FAM170B: variants seen among roughly 807,000 people sequenced by gnomAD.
FAM170B encodes the protein family with sequence similarity 170 member B.
FAM170B carries 4 observed loss-of-function variants against 3.9 expected under a neutral mutation model. The ratio of observed to expected loss-of-function variants is 1.01; its 90% CI spans 0.50 to 2.32. The LOEUF (loss-of-function observed/expected upper bound fraction) is 2.32, where lower values mean the gene tolerates loss of function less well. Ranked by LOEUF, FAM170B falls within the 30% of genes most tolerant of loss-of-function variation. FAM170B has a pLI of 0.02. For missense variants in FAM170B, 417 were observed against 368.6 expected, an observed-to-expected ratio of 1.13 and a Z score of -1.07; for synonymous variants, 163 against 149.8, an observed-to-expected ratio of 1.09 and a Z score of -0.64.
Position 49,131,427 on chromosome 10 carries a change from C to T in FAM170B, c.*186G>A, listed in dbSNP as rs769250683. Reference sequence around the variant, plus strand: ...TTTGAAATGGACTCTGGTGGAGATGCTGTGCCTAGGGCAGGAAGGGGGTTC... The same window carrying T: ...TTTGAAATGGACTCTGGTGGAGATGTTGTGCCTAGGGCAGGAAGGGGGTTC... On this transcript the variant is annotated 3_prime_UTR_variant, in exon 2 of 2. Coordinates refer to ENST00000311787, the MANE Select transcript of FAM170B (RefSeq NM_001164484.2). 55 of 765,964 alleles carry T rather than the reference C, an allele frequency of 7.2e-5. No homozygotes were observed. The highest frequency in any genetic ancestry group is 1.1e-4 in the Non-Finnish European group (54 of 511,160). 47.4% of individuals were successfully genotyped at this position (765,964 alleles called of 1,614,324 possible).
In FAM170B at chr10:49,131,678, C is replaced by G. The variant is rs1196659592; in HGVS notation, c.787G>C (p.Asp263His). Residue 263 changes from aspartate (D) to histidine (H), a missense_variant, in exon 2 of 2, where the codon GAC (aspartate) becomes CAC (histidine). Physicochemically the swap from Asp to His is moderately conservative, Grantham distance 81. Coordinates refer to ENST00000311787, the MANE Select transcript of FAM170B (RefSeq NM_001164484.2). Reference protein sequence around the residue: ...QQLEEEQSPSDNSECSRPQGE... With the variant: ...QQLEEEQSPSHNSECSRPQGE... ...TGGGGCCGGGAACATTCGCTGTTGT[C>G]TGAAGGACTCTGCTCCTCCTCCAGC... 1 of 1,551,650 alleles carries G rather than the reference C, an allele frequency of 6.4e-7. No homozygotes were observed. The highest frequency in any genetic ancestry group is 8.7e-7 in the Non-Finnish European group (1 of 1,147,026).
chr10:49,131,818 AGGGAG>A lies in FAM170B; in HGVS notation c.642_646del (p.Ser215GlyfsTer22), dbSNP rs1564607633. 6 of 1,548,372 alleles carry A rather than the reference AGGGAG, an allele frequency of 3.9e-6. No individual in the cohort carries two copies. Among genetic ancestry groups the A allele is most frequent in the Non-Finnish European group, 5.2e-6 (6 of 1,146,948 alleles). Reference sequence around the variant, plus strand: ...CTGGGCGTGCTCCAGCAGAGCGTCCAGGGAGGGCAAGACCCTGCAGCAGGCCACGC... The same window carrying A: ...CTGGGCGTGCTCCAGCAGAGCGTCCAGGCAAGACCCTGCAGCAGGCCACGC... On this transcript the variant is annotated frameshift_variant, in exon 2 of 2. Transcript: ENST00000311787. LOFTEE classifies it low-confidence loss of function (END_TRUNC).
chr10:49,131,535 G>A lies in FAM170B; in HGVS notation c.*78C>T. On this transcript the variant is annotated 3_prime_UTR_variant, in exon 2 of 2. Coordinates refer to ENST00000311787, the MANE Select transcript of FAM170B (RefSeq NM_001164484.2). Reference sequence around the variant, plus strand: ...CTGGTCCTCTCTCCCTGCCCTAGTGGCTCTGATACTGCTGGCTGGGGAAGG... The same window carrying A: ...CTGGTCCTCTCTCCCTGCCCTAGTGACTCTGATACTGCTGGCTGGGGAAGG... 6.8e-7 allele frequency: 1 copy of A among 1,467,108 alleles called. No homozygotes were observed. Among genetic ancestry groups the A allele is most frequent in the Non-Finnish European group, 9.0e-7 (1 of 1,106,090 alleles). 90.9% of individuals were successfully genotyped at this position (1,467,108 alleles called of 1,614,324 possible).
At chr10:49,132,555 G>A (rs1392324338) in intron 1 of FAM170B, among the ~76,000 whole-genome samples, 1 of 152,074 alleles carries the variant, frequency 6.6e-6, no homozygotes, top group East Asian at 1.9e-4. Context: ...ATGTATGAAT[G>A]CAATCACCAA....
intron 1 of FAM170B, among the ~76,000 whole-genome samples, chr10:49,132,954 CG>C (rs1845207163): frequency 2.0e-5 from 3 of 151,794 alleles, no homozygotes; most frequent in Non-Finnish European, 4.4e-5. Flanking sequence ...GAGCTGGGGA[CG>C]GGGTGAGAGG....
chr10:49,132,591 A>G (rs1363377513), intron 1 of FAM170B, among the ~76,000 whole-genome samples: 1 of 152,194 alleles, frequency 6.6e-6, no homozygotes, highest in Non-Finnish European at 1.5e-5. Context: ...GAGAAAGACC[A>G]TTAAATGGTG....
Position 49,131,633 on chromosome 10 carries a change from G to A in FAM170B, c.832C>T (p.Gln278Ter), listed in dbSNP as rs200566196. 43 of 1,551,598 alleles carry A rather than the reference G, an allele frequency of 2.8e-5. No homozygotes were observed. Among genetic ancestry groups the A allele is most frequent in the Non-Finnish European group, 3.6e-5 (41 of 1,146,908 alleles). Residue 278 changes from glutamine to a stop codon, truncating the protein, a stop_gained, in exon 2 of 2, where the codon CAG becomes TAG. Transcript: ENST00000311787. LOFTEE classifies it high-confidence loss of function. ...SRPQGEVLSAQQQEKQ is the reference protein window; with the variant it reads ...SRPQGEVLSA ...CTGGCTCACTGCTTCTCCTGCTGCT[G>A]TGCTGAGAGCACCTCACCCTGGGGC...
Position 49,132,372 on chromosome 10 carries a change from T to G in FAM170B, c.113-20A>C. ...TAGTCCCTGAGAAGCAGAAGGACAT[T>G]GTCATCAGTGCCCTTTAAGGGATCA... On this transcript the variant is annotated intron_variant, in intron 1 of 1. Transcript: ENST00000311787. 6.6e-7 allele frequency: 1 copy of G among 1,511,926 alleles called. No homozygotes were observed. The highest frequency in any genetic ancestry group is 2.5e-5 in the East Asian group (1 of 40,554). 93.7% of individuals were successfully genotyped at this position (1,511,926 alleles called of 1,614,324 possible). A position where few individuals can be genotyped will look rare whatever the true frequency, so the allele number is the denominator to read the frequency against.
chr10:49,133,203 C>T (rs1335840695), intron 1 of FAM170B, among the ~76,000 whole-genome samples: 1 of 152,242 alleles, frequency 6.6e-6, no homozygotes, highest in Non-Finnish European at 1.5e-5. Context: ...ACATTTGTGA[C>T]CTGTCTTCAC....
In FAM170B at chr10:49,132,127, A is replaced by T. The variant is rs1291942487; in HGVS notation, c.338T>A (p.Val113Glu). 1.3e-6 allele frequency: 2 copies of T among 1,551,762 alleles called. No individual in the cohort carries two copies. Among genetic ancestry groups the T allele is most frequent in the South Asian group, 1.2e-5 (1 of 84,068 alleles). ...CACAGCCACACCCCGCACAGTCTGC[A>T]CGTGCGTGTAGAAGGCACACACACT... The part of the protein sequence containing the change: ...PQSVCAFYTH[V>E]QTVRGVAVAW... Residue 113 changes from valine (V) to glutamate (E), a missense_variant, in exon 2 of 2, where the codon GTG (valine) becomes GAG (glutamate). Coordinates refer to ENST00000311787, the MANE Select transcript of FAM170B (RefSeq NM_001164484.2).
At chr10:49,133,765 G>A in intron 1 of FAM170B, 42 bp downstream of exon 1, 1 of 1,496,152 alleles carries the variant, frequency 6.7e-7, no homozygotes, top group Non-Finnish European at 9.1e-7. Flanking sequence ...CCTTCCCAGG[G>A]AGCACAGCTG....
chr10:49,131,720 G>T lies in FAM170B; in HGVS notation c.745C>A (p.Gln249Lys). The T allele has an allele frequency of 6.4e-7, 1 of 1,551,730 alleles. No homozygotes were observed. Among genetic ancestry groups the T allele is most frequent in the Non-Finnish European group, 8.7e-7 (1 of 1,147,006 alleles). The change falls in exon 2 of 2, where the codon CAA becomes AAA. Residue 249 changes from glutamine to lysine, a missense_variant. By Grantham distance (53) the Gln-to-Lys change is moderately conservative. Transcript: ENST00000311787. The part of the protein sequence containing the change: ...EMLERRRAQG[Q>K]AHDQQLEEEQ... ...TCCTCCAGCTGTTGGTCATGTGCTT[G>T]GCCCTGAGCCCGCCTTCTCTCCAGC...
chr10:49,132,202 TACTGGGAGTAGG>T lies in FAM170B; in HGVS notation c.251_262del (p.Ser84_Gln87del). On this transcript the variant is annotated inframe_deletion, in exon 2 of 2. Coordinates refer to ENST00000311787, the MANE Select transcript of FAM170B (RefSeq NM_001164484.2). ...GCACATGCAGGAGCAGCACGACTGGTACTGGGAGTAGGACTGGTACTCGGAGGACTCTGAGGA... is the reference window on the plus strand; with the variant it reads ...GCACATGCAGGAGCAGCACGACTGGTACTGGTACTCGGAGGACTCTGAGGA... 6.4e-7 allele frequency: 1 copy of T among 1,551,690 alleles called. No individual in the cohort carries two copies. The highest frequency in any genetic ancestry group is 2.4e-5 in the East Asian group (1 of 40,918).
rs755058569 is a variant in FAM170B, at chr10:49,132,196, G to C, written c.269C>G (p.Ser90Trp). 3.3e-5 allele frequency: 51 copies of C among 1,551,730 alleles called. 1 individual carries two copies. The South Asian group carries it at 5.7e-4, about 17-fold the overall frequency. Reference protein sequence around the residue: ...SEYQSYSQYQSCCSCMCDEDN... With the variant: ...SEYQSYSQYQWCCSCMCDEDN... ...CTCATCGCACATGCAGGAGCAGCAC[G>C]ACTGGTACTGGGAGTAGGACTGGTA... The change falls in exon 2 of 2, where the codon TCG (serine) becomes TGG (tryptophan). Residue 90 changes from serine (S) to tryptophan (W), a missense_variant. By Grantham distance (177) the Ser-to-Trp change is radical. Coordinates refer to ENST00000311787, the MANE Select transcript of FAM170B (RefSeq NM_001164484.2).
In FAM170B at chr10:49,133,864, T is replaced by C. The variant is rs1432680471; in HGVS notation, c.55A>G (p.Thr19Ala). The C allele has an allele frequency of 2.6e-6, 4 of 1,551,524 alleles. No homozygotes were observed. The highest frequency in any genetic ancestry group is 2.4e-5 in the South Asian group (2 of 84,054). The change falls in exon 1 of 2, where the codon ACC becomes GCC. Residue 19 changes from threonine (T) to alanine (A), a missense_variant. Transcript: ENST00000311787. ...GACTCAGGGCTGGTCAAGCTGAGGG[T>C]GGTCCCATCGGTGGGTGACTGTTCT... The part of the protein sequence containing the change: ...RGEQSPTDGT[T>A]LSLTSPESTE...
In FAM170B at chr10:49,132,110, C is replaced by T. The variant is rs1431429030; in HGVS notation, c.355G>A (p.Val119Met). ...GCCTCCGTCTCCCAGGCCACAGCCA[C>T]ACCCCGCACAGTCTGCACGTGCGTG... ...FYTHVQTVRG[V>M]AVAWETEAGF... The change falls in exon 2 of 2, where the codon GTG (valine) becomes ATG (methionine). Residue 119 changes from valine to methionine, a missense_variant. Coordinates refer to ENST00000311787, the MANE Select transcript of FAM170B (RefSeq NM_001164484.2). The T allele has an allele frequency of 5.2e-6, 8 of 1,551,778 alleles. No homozygotes were observed. Among genetic ancestry groups the T allele is most frequent in the Non-Finnish European group, 7.0e-6 (8 of 1,147,014 alleles).
Position 49,133,901 on chromosome 10 carries a change from T to C in FAM170B, c.18A>G (p.Thr6=). The change falls in exon 1 of 2, where the codon ACA becomes ACG. Residue 6 remains threonine, a synonymous_variant. Transcript: ENST00000311787. MKCYF[T]DHRGEQSPTD... Reference sequence around the variant, plus strand: ...TGGGTGACTGTTCTCCCCTGTGATCTGTGAAGTAGCATTTCATGATTTGAA... The same window carrying C: ...TGGGTGACTGTTCTCCCCTGTGATCCGTGAAGTAGCATTTCATGATTTGAA... 6.4e-7 allele frequency: 1 copy of C among 1,551,614 alleles called. No homozygotes were observed. Among genetic ancestry groups the C allele is most frequent in the Non-Finnish European group, 8.7e-7 (1 of 1,146,928 alleles).
In FAM170B at chr10:49,132,236, AG is replaced by A; in HGVS notation, c.228del (p.Ser77GlnfsTer104). 1 of 1,551,622 alleles carries A rather than the reference AG, an allele frequency of 6.4e-7. No individual in the cohort carries two copies. Among genetic ancestry groups the A allele is most frequent in the Non-Finnish European group, 8.7e-7 (1 of 1,147,012 alleles). ...TAGGACTGGTACTCGGAGGACTCTGAGGATGGGGAGCTGCTCCAGTCCCGCA... is the reference window on the plus strand; with the variant it reads ...TAGGACTGGTACTCGGAGGACTCTGAGATGGGGAGCTGCTCCAGTCCCGCA... Reference protein sequence around the residue: ...RGMRDWSSSPSSESSEYQSYS... With the variant: ...RGMRDWSSSPXSESSEYQSYS... On this transcript the variant is annotated frameshift_variant, in exon 2 of 2. Coordinates refer to ENST00000311787, the MANE Select transcript of FAM170B (RefSeq NM_001164484.2). LOFTEE classifies it low-confidence loss of function (END_TRUNC).
At chr10:49,132,958 G>A (rs1022192475) in intron 1 of FAM170B, among the ~76,000 whole-genome samples, 1 of 152,146 alleles carries the variant, frequency 6.6e-6, no homozygotes, top group Non-Finnish European at 1.5e-5. Context: ...TGGGGACGGG[G>A]TGAGAGGAGA....
Sources: gnomAD v4.1 joint callset for allele counts (sites outside exome capture counted in the v4.1 genomes callset) on GRCh38, gnomAD v4.1.1 for gene constraint, MANE v1.5 for transcripts, NCBI Gene and HGNC (gene_info 2026-07-23, HGNC 2026-07-21) for gene names.